The following HP1BP3 variants were observed in gnomAD, a reference collection of about 807,000 sequenced individuals.
HP1BP3 encodes heterochromatin protein 1 binding protein 3, also known as heterochromatin protein 1-binding protein 3.
A neutral mutation model predicts 62.5 loss-of-function variants in HP1BP3; 12 were observed. The observed-to-expected ratio is 0.19, with a 90% confidence interval of 0.12 to 0.31. The LOEUF is 0.31. HP1BP3 is among the 10% of genes least tolerant of loss of function. HP1BP3 has a pLI of 1.00. For synonymous variants in HP1BP3, 260 were observed against 237.8 expected (o/e 1.09, Z -0.86); for missense variants, 502 against 651.8 (o/e 0.77, Z 2.50).
chr1:20,752,635 G>GTTAC (rs1454588883), intron 9 of HP1BP3, among the ~76,000 whole-genome samples: 1 of 152,096 alleles, frequency 6.6e-6, no homozygotes, highest in Admixed American at 6.5e-5. Context: ...AAGCAATGGT[G>GTTAC]GGTAAAACTG....
chr1:20,782,620 G>C (rs575981783), intron 1 of HP1BP3, among the ~76,000 whole-genome samples: 1 of 150,624 alleles, frequency 6.6e-6, no homozygotes, highest in African/African-American at 2.4e-5. Context: ...AAACACAAAA[G>C]GGCCAGGCAT....
intron 3 of HP1BP3, among the ~76,000 whole-genome samples, chr1:20,779,455 C>T (rs2057446437): frequency 6.6e-6 from 1 of 152,056 alleles, no homozygotes; most frequent in South Asian, 2.1e-4. Flanking sequence ...ATGAACCTTC[C>T]ACTGTCTATT....
chr1:20,764,511 G>GTT (rs908590315), intron 8 of HP1BP3, among the ~76,000 whole-genome samples: 2 of 145,786 alleles, frequency 1.4e-5, no homozygotes, highest in South Asian at 4.4e-4. Context: ...AGCCAGCCTA[G>GTT]TTTTTTTTTT....
rs763672925 is a variant in HP1BP3 at position 20,747,530 on chromosome 1, G to C, written c.1253+14C>G. 2.0e-6 allele frequency: 3 copies of C among 1,470,450 alleles called. No homozygotes were observed. The highest frequency in any genetic ancestry group is 2.8e-6 in the Non-Finnish European group (3 of 1,054,564). The allele number at this position is 1,470,450 out of a possible 1,614,324, so 91.1% of individuals were successfully genotyped here. Reference sequence around the variant, plus strand: ...TATAAATTTACAGTGATCTATTATAGGCTAAGTACTTACCTGGGATAATAG... The same window carrying C: ...TATAAATTTACAGTGATCTATTATACGCTAAGTACTTACCTGGGATAATAG... On this transcript the variant is annotated intron_variant, in intron 11 of 12. Transcript: ENST00000438032.
intron 1 of HP1BP3, among the ~76,000 whole-genome samples, chr1:20,782,955 A>AC: frequency 6.6e-6 from 1 of 151,640 alleles, no homozygotes; most frequent in Admixed American, 6.6e-5. Context: ...CACACAAAAG[A>AC]TAAAAAATTA....
chr1:20,773,290 T>C (rs929673749), intron 5 of HP1BP3, among the ~76,000 whole-genome samples, 161 bp downstream of exon 5: 2 of 152,232 alleles, frequency 1.3e-5, no homozygotes, highest in Non-Finnish European at 2.9e-5. Flanking sequence ...CAAATGTGAT[T>C]ATATTAGAAA....
intron 8 of HP1BP3, among the ~76,000 whole-genome samples, chr1:20,757,916 C>A (rs971912757): frequency 5.9e-5 from 9 of 151,888 alleles, no homozygotes; most frequent in Non-Finnish European, 1.0e-4. Context: ...GAGGCCGAGG[C>A]GGGTGGATCA....
intron 6 of HP1BP3, among the ~76,000 whole-genome samples, chr1:20,769,560 A>G (rs751039877): frequency 1.2e-4 from 18 of 152,126 alleles, no homozygotes; most frequent in Non-Finnish European, 2.1e-4. Flanking sequence ...TGTCTCAAAA[A>G]GTAAAATAAA....
intron 1 of HP1BP3, chr1:20,786,773 G>A (rs1363374828): frequency 6.6e-6 from 1 of 152,322 alleles, no homozygotes; most frequent in Non-Finnish European, 1.5e-5. Flanking sequence ...GTGGGGTGAG[G>A]GGAGGGCGCG....
At chr1:20,787,003 G>T (rs1210018674) in intron 1 of HP1BP3, among the ~76,000 whole-genome samples, 192 bp downstream of exon 1, 1 of 152,032 alleles carries the variant, frequency 6.6e-6, no homozygotes, top group Non-Finnish European at 1.5e-5. Flanking sequence ...TAGGTCGCAG[G>T]AGAGAGGAAG....
chr1:20,781,031 C>T (rs2057521480), intron 1 of HP1BP3, among the ~76,000 whole-genome samples: 1 of 152,006 alleles, frequency 6.6e-6, no homozygotes. Flanking sequence ...AATAACATGA[C>T]ATTCTAATAG....
At chr1:20,759,878 CG>C (rs1287768890) in intron 8 of HP1BP3, among the ~76,000 whole-genome samples, 1 of 122,544 alleles carries the variant, frequency 8.2e-6, no homozygotes, top group Non-Finnish European at 1.6e-5. Flanking sequence ...TTTTAAAGAC[CG>C]ATTTTTTTTT....
At chr1:20,764,689 TG>T (rs111766753) in intron 8 of HP1BP3, among the ~76,000 whole-genome samples, 10,300 of 114,284 alleles carry the variant, frequency 0.09, 412 homozygotes, top group South Asian at 0.12. Flanking sequence ...GATTTGGGTT[TG>T]GAAAAAAAAA....
At chr1:20,749,036 A>C (rs916605673) in intron 10 of HP1BP3, among the ~76,000 whole-genome samples, 2 of 152,214 alleles carry the variant, frequency 1.3e-5, no homozygotes, top group Non-Finnish European at 1.5e-5. Flanking sequence ...TAATATAAGT[A>C]GTAAGTACTC....
chr1:20,766,915 C>A (rs1454437836), intron 7 of HP1BP3, among the ~76,000 whole-genome samples: 3 of 152,084 alleles, frequency 2.0e-5, no homozygotes, highest in African/African-American at 7.3e-5. Flanking sequence ...TGCACTCCAG[C>A]CCGGGCAATA....
At chr1:20,753,132 T>A (rs2055880295) in intron 9 of HP1BP3, among the ~76,000 whole-genome samples, 1 of 152,064 alleles carries the variant, frequency 6.6e-6, no homozygotes, top group African/African-American at 2.4e-5. Context: ...TACTAGAGAT[T>A]GGGTTTCACC....
intron 1 of HP1BP3, 48 bp from the exon 2 acceptor site, chr1:20,780,588 A>C: frequency 1.7e-6 from 1 of 605,740 alleles, no homozygotes; most frequent in South Asian, 2.1e-5. Flanking sequence ...AAACAAAACT[A>C]AACTAAAACG....
chr1:20,743,150 A>C lies in HP1BP3; in HGVS notation c.*1647T>G, dbSNP rs2055132872. 1 of 152,404 alleles carries C rather than the reference A, an allele frequency of 6.6e-6. No individual in the cohort carries two copies. Among genetic ancestry groups the C allele is most frequent in the Non-Finnish European group, 1.5e-5 (1 of 67,982 alleles). 9.4% of individuals were successfully genotyped at this position (152,404 alleles called of 1,614,324 possible). On this transcript the variant is annotated 3_prime_UTR_variant, in exon 13 of 13. Coordinates refer to ENST00000438032, the MANE Select transcript of HP1BP3 (RefSeq NM_001372052.1). ...TTTTTTTTTAATATCTCAAAAAGGA[A>C]GCCACTTGCTTGATATCAAAAGTGC...
chr1:20,754,710 C>T (rs181381041), intron 9 of HP1BP3, among the ~76,000 whole-genome samples: 7 of 152,150 alleles, frequency 4.6e-5, no homozygotes, highest in Admixed American at 3.3e-4. Flanking sequence ...TAAGATGCTA[C>T]GGCAATTCAA....
Sources: allele counts gnomAD v4.1 joint callset (sites outside exome capture counted in the v4.1 genomes callset), GRCh38; gene constraint gnomAD v4.1.1; transcripts MANE v1.5; gene names NCBI Gene and HGNC (gene_info 2026-07-23, HGNC 2026-07-21).